PIK3AP1: variants seen among roughly 807,000 people sequenced by gnomAD.
PIK3AP1 encodes the protein phosphoinositide-3-kinase adaptor protein 1, also known as phosphoinositide 3-kinase adapter protein 1.
A neutral mutation model predicts 88.1 loss-of-function variants in PIK3AP1; 21 were observed. The observed-to-expected ratio is 0.24, with a 90% CI of 0.17 to 0.34. PIK3AP1 has a LOEUF of 0.34. PIK3AP1 is among the 10% of genes least tolerant of loss of function. The pLI is 1.00. For missense variants in PIK3AP1, 828 were observed against 1,035.7 expected (o/e 0.80, Z 2.75); for synonymous variants, 398 against 400.0 (o/e 1.00, Z 0.06).
rs185715777 is a variant in PIK3AP1 at position 96,646,057 on chromosome 10, C to T, written c.1186-395G>A. ...AGTGGATCACCTGAGGTCAGGAGTT[C>T]GAGACCAGCCTGGCCAAAATGGCAA... On this transcript the variant is annotated intron_variant, in intron 7 of 16. Coordinates refer to ENST00000339364, the MANE Select transcript of PIK3AP1 (RefSeq NM_152309.3). 6.6e-5 allele frequency among the ~76,000 whole-genome samples: 10 copies of T among 152,212 alleles called. No individual in the cohort carries two copies. In the East Asian group the frequency reaches 7.7e-4, roughly 12 times the overall value.
At position 96,656,861 on chromosome 10, in the gene PIK3AP1, G is replaced by A. The variant is rs143102361; in HGVS notation, c.504C>T (p.Asn168=). ...EKVVSYSKQQ[N]LPTVTSPGNL... ...TCCCAGGTGAAGTCACCGTCGGCAGGTTCTGCTGCTTCGAGTAGGAAACAA... is the reference window on the plus strand; with the variant it reads ...TCCCAGGTGAAGTCACCGTCGGCAGATTCTGCTGCTTCGAGTAGGAAACAA... Residue 168 remains asparagine, a synonymous_variant, in exon 3 of 17, where the codon AAC becomes AAT. Transcript: ENST00000339364. 21 of 1,614,024 alleles carry A rather than the reference G, an allele frequency of 1.3e-5. No individual in the cohort carries two copies. The South Asian group carries it at 2.1e-4, about 16-fold the overall frequency.
intron 2 of PIK3AP1, among the ~76,000 whole-genome samples, chr10:96,698,717 A>T (rs1347076759): frequency 6.6e-6 from 1 of 151,056 alleles, no homozygotes; most frequent in Non-Finnish European, 1.5e-5. Flanking sequence ...TGGGTGACAG[A>T]GAAAGACTCT....
At chr10:96,687,982 G>A in intron 2 of PIK3AP1, among the ~76,000 whole-genome samples, 1 of 152,190 alleles carries the variant, frequency 6.6e-6, no homozygotes, top group East Asian at 1.9e-4. Context: ...AGCTGGTTTG[G>A]AGCAAATCTG....
intron 16 of PIK3AP1, 128 bp from the exon 17 acceptor site, chr10:96,595,762 A>G: frequency 1.2e-6 from 1 of 849,910 alleles, no homozygotes; most frequent in Non-Finnish European, 1.9e-6. Context: ...CAGGACACAC[A>G]TATGAATGTA....
At chr10:96,695,426 T>C (rs923661007) in intron 2 of PIK3AP1, among the ~76,000 whole-genome samples, 4 of 152,204 alleles carry the variant, frequency 2.6e-5, no homozygotes, top group African/African-American at 7.2e-5. Flanking sequence ...AAAAGAAACT[T>C]ATTTTAGTCT....
intron 12 of PIK3AP1, chr10:96,619,410 C>T (rs1843046492): frequency 6.6e-6 from 1 of 152,262 alleles, no homozygotes; most frequent in Non-Finnish European, 1.5e-5. Context: ...GCGCCCAATC[C>T]CATCTGATCT....
At chr10:96,716,450 A>T (rs1021988470) in intron 1 of PIK3AP1, among the ~76,000 whole-genome samples, 1 of 152,218 alleles carries the variant, frequency 6.6e-6, no homozygotes, top group African/African-American at 2.4e-5. Flanking sequence ...TGTGACTTAG[A>T]CCAATTACTA....
chr10:96,710,453 C>G (rs1011730710), intron 1 of PIK3AP1, among the ~76,000 whole-genome samples: 4 of 152,148 alleles, frequency 2.6e-5, no homozygotes, highest in African/African-American at 7.2e-5. Context: ...AACTTCTGAC[C>G]TCAAGTGATC....
At chr10:96,596,731 G>A (rs1848759234) in intron 16 of PIK3AP1, among the ~76,000 whole-genome samples, 1 of 152,140 alleles carries the variant, frequency 6.6e-6, no homozygotes, top group African/African-American at 2.4e-5. Context: ...TTAGACTAGG[G>A]TGAGTCTATT....
intron 8 of PIK3AP1, among the ~76,000 whole-genome samples, chr10:96,644,431 T>C (rs1406326328): frequency 6.6e-6 from 1 of 152,242 alleles, no homozygotes; most frequent in Non-Finnish European, 1.5e-5. Flanking sequence ...TAGACAAATA[T>C]ACCTCATTTT....
chr10:96,694,236 C>T (rs1844191145), intron 2 of PIK3AP1, among the ~76,000 whole-genome samples: 1 of 152,190 alleles, frequency 6.6e-6, no homozygotes, highest in Admixed American at 6.5e-5. Context: ...ACATAAACTT[C>T]ACAATGGCAG....
At chr10:96,643,656 G>A (rs774924138) in intron 8 of PIK3AP1, among the ~76,000 whole-genome samples, 19 of 152,292 alleles carry the variant, frequency 1.2e-4, no homozygotes, top group Middle Eastern at 3.4e-3. Flanking sequence ...CATCTTGCAG[G>A]TTCTGGGGTC....
chr10:96,675,992 A>G (rs1015242475), intron 2 of PIK3AP1, among the ~76,000 whole-genome samples: 2 of 152,170 alleles, frequency 1.3e-5, no homozygotes, highest in African/African-American at 4.8e-5. Context: ...TTGCCTACAA[A>G]TGAAAGGTCA....
chr10:96,651,541 T>C lies in PIK3AP1; in HGVS notation c.823A>G (p.Asn275Asp). The C allele has an allele frequency of 6.2e-7, 1 of 1,614,228 alleles. No homozygotes were observed. The highest frequency in any genetic ancestry group is 8.5e-7 in the Non-Finnish European group (1 of 1,180,032). The change falls in exon 5 of 17, where the codon AAT becomes GAT. Residue 275 changes from asparagine (N) to aspartate (D), a missense_variant. Physicochemically the swap from Asn to Asp is conservative, Grantham distance 23. Transcript: ENST00000339364. ...DMEEIGNLLS[N>D]AANPVEFMCQ... ...ATGAATTCCACAGGATTCGCGGCAT[T>C]GGACAATAAATTCCCAATTTCTTCC...
chr10:96,644,068 G>A (rs1024871674), intron 8 of PIK3AP1, among the ~76,000 whole-genome samples: 22 of 152,186 alleles, frequency 1.4e-4, no homozygotes, highest in African/African-American at 4.3e-4. Flanking sequence ...CAGTACGTGC[G>A]TGGAGATCAG....
intron 2 of PIK3AP1, among the ~76,000 whole-genome samples, chr10:96,668,231 T>C (rs1470017524): frequency 1.3e-5 from 2 of 152,194 alleles, no homozygotes; most frequent in Non-Finnish European, 2.9e-5. Context: ...ATTAACCGCA[T>C]ACACCAAAAA....
At chr10:96,665,084 T>G (rs1357212948) in intron 2 of PIK3AP1, among the ~76,000 whole-genome samples, 1 of 150,798 alleles carries the variant, frequency 6.6e-6, no homozygotes, top group Admixed American at 6.6e-5. Flanking sequence ...GAAGGTACTC[T>G]GAAAACCCCA....
intron 12 of PIK3AP1, among the ~76,000 whole-genome samples, chr10:96,619,131 T>C (rs1022038852): frequency 1.3e-5 from 2 of 152,222 alleles, no homozygotes; most frequent in Non-Finnish European, 2.9e-5. Context: ...GTAATACTTA[T>C]TTCATATGCG....
chr10:96,638,054 G>C (rs1031013515), intron 8 of PIK3AP1, among the ~76,000 whole-genome samples: 2 of 152,154 alleles, frequency 1.3e-5, no homozygotes, highest in African/African-American at 4.8e-5. Context: ...AGAGTTTTGG[G>C]GCAACTGGAA....
Sources: allele counts gnomAD v4.1 joint callset (sites outside exome capture counted in the v4.1 genomes callset), GRCh38; gene constraint gnomAD v4.1.1; transcripts MANE v1.5; gene names NCBI Gene and HGNC (gene_info 2026-07-23, HGNC 2026-07-21).